Variants in LTBP2 observed in about 807,000 individuals in gnomAD.
The protein encoded by LTBP2 is latent-transforming growth factor beta-binding protein 2.
Under a neutral mutation model 210.6 loss-of-function variants are expected in LTBP2, and 103 were observed. The ratio of observed to expected loss-of-function variants is 0.49; its 90% CI spans 0.42 to 0.58. LTBP2 has a LOEUF of 0.58. Ranked by LOEUF, LTBP2 falls within the 20% of genes least tolerant of loss-of-function variation. The pLI, the probability that LTBP2 is intolerant of heterozygous loss-of-function variation, is 0.00. For synonymous variants in LTBP2, 1,007 were observed against 1,015.0 expected (o/e 0.99, Z 0.15); for missense variants, 2,313 against 2,494.5 (o/e 0.93, Z 1.55).
rs1313818466 is a variant in LTBP2, at chr14:74,611,781, C to G, written c.164G>C (p.Arg55Pro). The stretch of plus-strand genomic sequence containing the variant: ...CGCTGCCGGGTAGCTGCCCCCAGGG[C>G]GCCGCAGTCGATTCGCGTCTCCACC... ...PAGGDANRLR[R>P]PGGSYPAAAA... is the part of the protein sequence containing the mutation. The change falls in exon 1 of 36, where the codon CGC becomes CCC. Residue 55 changes from arginine (R) to proline (P), a missense_variant. This residue lies in a region of LTBP2 where 1,867 missense variants were observed against 1,976.9 expected (regional missense o/e 0.94). Transcript: ENST00000261978. 1.2e-6 allele frequency: 2 copies of G among 1,610,176 alleles called. No homozygotes were observed. Among genetic ancestry groups the G allele is most frequent in the Non-Finnish European group, 1.7e-6 (2 of 1,179,546 alleles).
At chr14:74,560,137 C>T (rs914897939) in intron 3 of LTBP2, 1 of 152,162 alleles carries the variant, frequency 6.6e-6, no homozygotes, top group Non-Finnish European at 1.5e-5. Context: ...AACATAAAGT[C>T]GCTTTTTATT....
chr14:74,532,591 G>T (rs758986981), intron 9 of LTBP2, 43 bp from the exon 10 acceptor site: 16 of 1,609,696 alleles, frequency 9.9e-6, no homozygotes, highest in Middle Eastern at 3.3e-4. Context: ...CCCCACGGAG[G>T]CCTGATGGAG....
chr14:74,504,206 G>T (rs1391120761), intron 30 of LTBP2, 152 bp from the exon 31 acceptor site: 16 of 872,582 alleles, frequency 1.8e-5, no homozygotes. Context: ...CTTGCCTCCG[G>T]TTCCTACATA....
At chr14:74,501,329 G>A in intron 35 of LTBP2, 112 bp downstream of exon 35, 2 of 1,500,630 alleles carry the variant, frequency 1.3e-6, no homozygotes, top group Non-Finnish European at 1.9e-6. Flanking sequence ...CTTCCAGCCT[G>A]ATGCAGACAG....
At position 74,537,743 on chromosome 14, in the gene LTBP2, TTTC is replaced by T. The variant is rs200689325; in HGVS notation, c.1790-1746_1790-1744del. ...TTTACAAAAAGAGAGTTCTTCATATTTTCTTCTTCTTCTTCTTCTTCTTTTTTT... is the reference window on the plus strand; with the variant it reads ...TTTACAAAAAGAGAGTTCTTCATATTTTCTTCTTCTTCTTCTTCTTTTTTT... On this transcript the variant is annotated intron_variant, in intron 8 of 35. Transcript: ENST00000261978. 6.7e-4 allele frequency among the ~76,000 whole-genome samples: 102 copies of T among 152,108 alleles called. 1 individual carries two copies. The highest frequency in any genetic ancestry group is 1.9e-3 in the South Asian group (9 of 4,820).
chr14:74,528,419 C>A, intron 12 of LTBP2, 64 bp downstream of exon 12: 1 of 1,574,474 alleles, frequency 6.4e-7, no homozygotes, highest in Non-Finnish European at 8.7e-7. Flanking sequence ...ACCCACACTT[C>A]TCTGAGGTGC....
At chr14:74,587,678 G>A (rs2139790217) in intron 2 of LTBP2, among the ~76,000 whole-genome samples, 1 of 152,236 alleles carries the variant, frequency 6.6e-6, no homozygotes, top group East Asian at 1.9e-4. Flanking sequence ...CACAGACCCT[G>A]TCATCTCAGG....
chr14:74,611,962 G>T lies in LTBP2; in HGVS notation c.-18C>A. 6.4e-7 allele frequency: 1 copy of T among 1,553,550 alleles called. No individual in the cohort carries two copies. The highest frequency in any genetic ancestry group is 1.2e-5 in the South Asian group (1 of 85,860). On this transcript the variant is annotated 5_prime_UTR_variant, in exon 1 of 36. Coordinates refer to ENST00000261978, the MANE Select transcript of LTBP2 (RefSeq NM_000428.3). ...GGCCTCATGGCGCGGGGCGGCTGGA[G>T]AGTGGTGCGCGCGGGCACCGCGAAG... is the stretch of plus-strand genomic sequence containing the variant.
At chr14:74,516,787 G>T (rs752377637) in intron 18 of LTBP2, 35 bp downstream of exon 18, 10 of 1,539,462 alleles carry the variant, frequency 6.5e-6, no homozygotes, top group South Asian at 4.8e-5. Flanking sequence ...TGGGTGGTGG[G>T]GTGGCAGGGC....
At position 74,520,661 on chromosome 14, in the gene LTBP2, C is replaced by T. The variant is rs148361044; in HGVS notation, c.2788+1250G>A. Among the ~76,000 whole-genome samples, 510 of 152,154 alleles carry T rather than the reference C, an allele frequency of 3.4e-3. 2 individuals carry two copies. The highest frequency in any genetic ancestry group is 0.011 in the African/African-American group (475 of 41,494). On this transcript the variant is annotated intron_variant, in intron 17 of 35. Transcript: ENST00000261978. ...ACTAAAAATACAAAAATTAGCCGAG[C>T]GTGGTGGCAGGCGCCTGTAGTCCCA...
chr14:74,564,333 A>T (rs1306976739), intron 3 of LTBP2, among the ~76,000 whole-genome samples: 11 of 6,536 alleles, frequency 1.7e-3, no homozygotes, highest in South Asian at 5.0e-3. Flanking sequence ...ATATATATTT[A>T]TATATATATA....
At chr14:74,595,076 G>A (rs2088339084) in intron 2 of LTBP2, among the ~76,000 whole-genome samples, 1 of 152,260 alleles carries the variant, frequency 6.6e-6, no homozygotes, top group African/African-American at 2.4e-5. Context: ...AGAGAAAGAT[G>A]CCGTTCTTGG....
intron 19 of LTBP2, 69 bp from the exon 20 acceptor site, chr14:74,510,282 C>G: frequency 1.2e-6 from 2 of 1,601,362 alleles, no homozygotes; most frequent in Admixed American, 1.7e-5. Flanking sequence ...TGGCAGGCTC[C>G]AAGCATCTCA....
chr14:74,520,587 G>A, intron 17 of LTBP2, among the ~76,000 whole-genome samples: 1 of 152,166 alleles, frequency 6.6e-6, no homozygotes, highest in Non-Finnish European at 1.5e-5. Context: ...TGGATCACAA[G>A]ATCAGGAGTT....
At chr14:74,535,292 CCT>C (rs2087405652) in intron 9 of LTBP2, among the ~76,000 whole-genome samples, 2 of 152,136 alleles carry the variant, frequency 1.3e-5, no homozygotes, top group African/African-American at 2.4e-5. Context: ...GGGTCAATCC[CCT>C]GTCTCTGACC....
In LTBP2 at chr14:74,576,988, C is replaced by A. The variant is rs184321839; in HGVS notation, c.830+8866G>T. ...AACCCTCTCATTTTACAGAAAGGGACATTAATGCTTAGTGATGTTAAGTGG... is the reference window on the plus strand; with the variant it reads ...AACCCTCTCATTTTACAGAAAGGGAAATTAATGCTTAGTGATGTTAAGTGG... On this transcript the variant is annotated intron_variant, in intron 3 of 35. Transcript: ENST00000261978. Among the ~76,000 whole-genome samples the A allele has an allele frequency of 6.9e-4, 105 of 152,216 alleles. 1 individual carries two copies. The highest frequency in any genetic ancestry group is 2.4e-3 in the African/African-American group (99 of 41,538).
intron 3 of LTBP2, among the ~76,000 whole-genome samples, chr14:74,560,329 C>G (rs2087778063): frequency 6.6e-6 from 1 of 152,196 alleles, no homozygotes; most frequent in Non-Finnish European, 1.5e-5. Context: ...ATCCCCATCA[C>G]AGGCCAGCAC....
At chr14:74,524,129 G>GC (rs1566622889) in intron 15 of LTBP2, among the ~76,000 whole-genome samples, 1 of 151,974 alleles carries the variant, frequency 6.6e-6, no homozygotes, top group African/African-American at 2.4e-5. Flanking sequence ...AGCTTGGCCT[G>GC]CCCCCTGCCC....
intron 1 of LTBP2, among the ~76,000 whole-genome samples, chr14:74,608,069 C>T (rs551930952): frequency 3.5e-4 from 53 of 151,364 alleles, no homozygotes; most frequent in African/African-American, 9.9e-4. Flanking sequence ...TACAGGCGCC[C>T]GCCACCGCGC....
Sources: gnomAD v4.1 joint callset for allele counts (sites outside exome capture counted in the v4.1 genomes callset) on GRCh38, gnomAD v4.1.1 for gene constraint, gnomAD v4.1.1 regional missense constraint, MANE v1.5 for transcripts, NCBI Gene and HGNC (gene_info 2026-07-23, HGNC 2026-07-21) for gene names.